CUX2: variants seen among roughly 807,000 people sequenced by gnomAD.
CUX2 encodes homeobox protein cut-like 2.
A neutral mutation model predicts 144.8 loss-of-function variants in CUX2; 40 were observed. The observed-to-expected ratio is 0.28, with a 90% confidence interval of 0.21 to 0.36. CUX2 has a LOEUF of 0.36. Ranked by LOEUF, CUX2 falls within the 10% of genes least tolerant of loss-of-function variation. The pLI, the probability that CUX2 is intolerant of heterozygous loss-of-function variation, is 1.00. For missense variants in CUX2, 1,615 were observed against 1,994.0 expected (o/e 0.81, Z 3.62); for synonymous variants, 827 against 875.6 (o/e 0.94, Z 0.98).
intron 1 of CUX2, among the ~76,000 whole-genome samples, chr12:111,102,796 G>C (rs1436806128): frequency 3.3e-5 from 5 of 152,138 alleles, no homozygotes; most frequent in African/African-American, 7.2e-5. Context: ...ACTTCGTAGT[G>C]GGTAGCAAAA....
chr12:111,191,487 A>G (rs1471414137), intron 1 of CUX2, among the ~76,000 whole-genome samples: 2 of 152,006 alleles, frequency 1.3e-5, no homozygotes, highest in African/African-American at 4.8e-5. Flanking sequence ...ACACGCCACC[A>G]CGCCAGCTAA....
chr12:111,086,997 A>G (rs1249426078), intron 1 of CUX2, among the ~76,000 whole-genome samples: 5 of 152,182 alleles, frequency 3.3e-5, no homozygotes, highest in Admixed American at 1.3e-4. Context: ...CAAGTGACAT[A>G]CTTTTTATAG....
intron 1 of CUX2, among the ~76,000 whole-genome samples, chr12:111,078,163 GT>G (rs1871638736): frequency 2.0e-5 from 3 of 152,194 alleles, no homozygotes; most frequent in Non-Finnish European, 4.4e-5. Flanking sequence ...TCAACAACCA[GT>G]TGAGCCCACA....
At chr12:111,188,100 A>G (rs1246852598) in intron 1 of CUX2, among the ~76,000 whole-genome samples, 3 of 152,240 alleles carry the variant, frequency 2.0e-5, no homozygotes, top group African/African-American at 7.2e-5. Flanking sequence ...GGGCTCAGGA[A>G]TACTATGCAA....
At chr12:111,159,201 C>T (rs563965671) in intron 1 of CUX2, among the ~76,000 whole-genome samples, 17 of 152,294 alleles carry the variant, frequency 1.1e-4, no homozygotes, top group African/African-American at 4.1e-4. Flanking sequence ...GGCTGGAATG[C>T]GGTGGCGCGA....
chr12:111,082,944 G>A (rs1443406914), intron 1 of CUX2, among the ~76,000 whole-genome samples: 1 of 152,022 alleles, frequency 6.6e-6, no homozygotes, highest in Non-Finnish European at 1.5e-5. Context: ...GGAGGAGGAG[G>A]TGTTCTGAGC....
At chr12:111,248,537 TTGTC>T (rs1883394946) in intron 3 of CUX2, among the ~76,000 whole-genome samples, 2 of 152,010 alleles carry the variant, frequency 1.3e-5, no homozygotes, top group South Asian at 4.2e-4. Context: ...TGTTGCAGCA[TTGTC>T]TGTCTGTCAC....
rs1879515754 is a variant in CUX2 at position 111,186,147 on chromosome 12, T to G, written c.64-28053T>G. 2.6e-5 allele frequency among the ~76,000 whole-genome samples: 4 copies of G among 151,978 alleles called. No homozygotes were observed. The highest frequency in any genetic ancestry group is 9.7e-5 in the African/African-American group (4 of 41,368). ...CGCTTTCACGTCCTCTCTCGGCATTTCTCCTCTTTCCCACTCTCGGCATCC... is the reference window on the plus strand; with the variant it reads ...CGCTTTCACGTCCTCTCTCGGCATTGCTCCTCTTTCCCACTCTCGGCATCC... On this transcript the variant is annotated intron_variant, in intron 1 of 21. Transcript: ENST00000261726. The surrounding 1 kb of genome is among the most constrained non-coding windows in gnomAD (Gnocchi z 4.4).
chr12:111,304,393 G>T lies in CUX2; in HGVS notation c.858+79G>T. ...TGGCTGAGTTTGCAGGTTTCAGCAT[G>T]TGGGTGACACTTTGTGGTTGATTGT... On this transcript the variant is annotated intron_variant, in intron 10 of 21. Transcript: ENST00000261726. This position sits in a 1 kb window ranked among gnomAD's most constrained non-coding sequence, Gnocchi z 4.7. The T allele has an allele frequency of 8.5e-7, 1 of 1,172,152 alleles. No homozygotes were observed. The allele number at this position is 1,172,152 out of a possible 1,614,324, so 72.6% of individuals were successfully genotyped here.
At chr12:111,073,015 C>T (rs923311950) in intron 1 of CUX2, among the ~76,000 whole-genome samples, 2 of 152,146 alleles carry the variant, frequency 1.3e-5, no homozygotes, top group Admixed American at 6.5e-5. Flanking sequence ...ATTTTTGTCA[C>T]GGTTTCTTTA....
intron 3 of CUX2, among the ~76,000 whole-genome samples, chr12:111,251,371 C>T (rs9888440): frequency 1.3e-5 from 2 of 151,956 alleles, no homozygotes; most frequent in Admixed American, 1.3e-4. Context: ...TGGAACTGAG[C>T]GATTATATTA....
intron 17 of CUX2, among the ~76,000 whole-genome samples, chr12:111,321,575 A>G (rs185261987): frequency 4.6e-5 from 7 of 152,180 alleles, no homozygotes; most frequent in Admixed American, 3.3e-4. Context: ...ACAGCTACTC[A>G]GGAGGCTGAG....
intron 8 of CUX2, among the ~76,000 whole-genome samples, chr12:111,297,556 CG>C (rs989093789): frequency 6.6e-6 from 1 of 152,180 alleles, no homozygotes; most frequent in African/African-American, 2.4e-5. Flanking sequence ...GGACTGTCCC[CG>C]CTCCCCAGCT....
At chr12:111,260,149 C>T (rs1323234895) in intron 3 of CUX2, among the ~76,000 whole-genome samples, 1 of 151,048 alleles carries the variant, frequency 6.6e-6, no homozygotes, top group African/African-American at 2.4e-5. Flanking sequence ...GGCAATACAG[C>T]GAGACTGTCC....
At chr12:111,121,369 CTTTTTTTTTTTTTTTTTTT>C in intron 1 of CUX2, among the ~76,000 whole-genome samples, 1 of 59,050 alleles carries the variant, frequency 1.7e-5, no homozygotes, top group African/African-American at 5.4e-5. Context: ...TTTCTTTTTT[CTTTTTTTTTTTTTTTTTTT>C]TTTTTTGAGA....
chr12:111,089,015 G>A (rs914652943), intron 1 of CUX2, among the ~76,000 whole-genome samples: 1 of 152,194 alleles, frequency 6.6e-6, no homozygotes. Flanking sequence ...ATCCAGGGGC[G>A]GTGGTGTGCA....
intron 16 of CUX2, among the ~76,000 whole-genome samples, chr12:111,313,412 G>C (rs1323761382): frequency 6.6e-6 from 1 of 151,364 alleles, no homozygotes; most frequent in East Asian, 2.0e-4. Flanking sequence ...GGCCGAGGCG[G>C]GCGGATCACC....
At chr12:111,060,220 C>G (rs1289120720) in intron 1 of CUX2, among the ~76,000 whole-genome samples, 1 of 152,214 alleles carries the variant, frequency 6.6e-6, no homozygotes, top group Admixed American at 6.5e-5. Flanking sequence ...CTCATCCAAT[C>G]CCACCATGTC....
chr12:111,047,084 G>A (rs1870032086), intron 1 of CUX2, among the ~76,000 whole-genome samples: 1 of 152,216 alleles, frequency 6.6e-6, no homozygotes. Flanking sequence ...GGTTCCCAGC[G>A]TGTCTCCCAG....
Sources: allele counts gnomAD v4.1 joint callset (sites outside exome capture counted in the v4.1 genomes callset), GRCh38; gene constraint gnomAD v4.1.1; non-coding constraint Gnocchi (gnomAD v3.1); transcripts MANE v1.5; gene names NCBI Gene and HGNC (gene_info 2026-07-23, HGNC 2026-07-21).